The following KCNC2 variants were observed in gnomAD, a reference collection of about 807,000 sequenced individuals.
KCNC2 encodes voltage-gated potassium channel KCNC2.
KCNC2 carries 21 observed loss-of-function variants against 44.5 expected under a neutral mutation model. The ratio of observed to expected loss-of-function variants is 0.47; its 90% CI spans 0.33 to 0.68. KCNC2 has a LOEUF of 0.68. KCNC2 is among the 30% of genes least tolerant of loss of function. KCNC2 has a pLI of 0.01. For missense variants in KCNC2, 589 were observed against 826.2 expected (o/e 0.71, Z 3.52); for synonymous variants, 391 against 339.1 (o/e 1.15, Z -1.68).
intron 2 of KCNC2, among the ~76,000 whole-genome samples, chr12:75,152,335 TAAAC>T (rs951685995): frequency 1.3e-5 from 2 of 150,930 alleles, no homozygotes; most frequent in Admixed American, 6.6e-5. Context: ...ACACAAAAAA[TAAAC>T]AAAAACACGT....
At chr12:75,181,674 A>G (rs1471020903) in intron 2 of KCNC2, among the ~76,000 whole-genome samples, 1 of 152,188 alleles carries the variant, frequency 6.6e-6, no homozygotes, top group East Asian at 1.9e-4. Flanking sequence ...CCTCACAGAT[A>G]TGAACTCAAA....
At chr12:75,078,791 A>T (rs1022101014) in intron 2 of KCNC2, among the ~76,000 whole-genome samples, 2 of 152,170 alleles carry the variant, frequency 1.3e-5, no homozygotes, top group African/African-American at 2.4e-5. Flanking sequence ...TGTTGTGAAT[A>T]TACTTTTAAT....
intron 2 of KCNC2, among the ~76,000 whole-genome samples, chr12:75,197,820 C>T (rs2030905083): frequency 6.6e-6 from 1 of 151,630 alleles, no homozygotes; most frequent in Admixed American, 6.6e-5. Flanking sequence ...ATAAAGAAAC[C>T]CAGCGTTGAA....
chr12:75,159,635 C>T (rs1000143501), intron 2 of KCNC2, among the ~76,000 whole-genome samples: 1 of 151,854 alleles, frequency 6.6e-6, no homozygotes, highest in African/African-American at 2.4e-5. Context: ...CATCGCTGGA[C>T]TAGGAGGTTT....
chr12:75,208,590 T>C (rs1280923592), intron 1 of KCNC2, among the ~76,000 whole-genome samples: 6 of 125,644 alleles, frequency 4.8e-5, no homozygotes, highest in African/African-American at 1.5e-4. Context: ...CCCCACCCTG[T>C]GAAGAGCCCG....
At chr12:75,174,965 G>A (rs1236266524) in intron 2 of KCNC2, among the ~76,000 whole-genome samples, 1 of 151,960 alleles carries the variant, frequency 6.6e-6, no homozygotes, top group Admixed American at 6.6e-5. Flanking sequence ...GCTGGTGATA[G>A]CAATAATAAA....
At chr12:75,075,608 C>T (rs1290593616) in intron 2 of KCNC2, among the ~76,000 whole-genome samples, 14 of 151,522 alleles carry the variant, frequency 9.2e-5, no homozygotes, top group Non-Finnish European at 1.8e-4. Context: ...GTGGGGGTTG[C>T]GTAGAAGGCA....
In KCNC2 at chr12:75,207,767, C is replaced by G. The variant is rs766476433; in HGVS notation, c.217G>C (p.Gly73Arg). The change falls in exon 2 of 5, where the codon GGG (glycine) becomes CGG (arginine). Residue 73 changes from glycine to arginine, a missense_variant. By Grantham distance (125) the Gly-to-Arg change is moderately radical. Transcript: ENST00000549446. The surrounding 1 kb of genome is among the most constrained non-coding windows in gnomAD (Gnocchi z 4.1). ...CCGCCCTCGAAGCAGCCGCCTGGCCCGGGGGACAGCGGGGGCGCTCTCGGC... is the reference window on the plus strand; with the variant it reads ...CCGCCCTCGAAGCAGCCGCCTGGCCGGGGGGACAGCGGGGGCGCTCTCGGC... ...PPPRAPPLSP[G>R]PGGCFEGGAG... 2 of 1,572,326 alleles carry G rather than the reference C, an allele frequency of 1.3e-6. No individual in the cohort carries two copies. Among genetic ancestry groups the G allele is most frequent in the Non-Finnish European group, 1.7e-6 (2 of 1,160,334 alleles).
At chr12:75,097,708 T>C (rs1886051059) in intron 2 of KCNC2, among the ~76,000 whole-genome samples, 1 of 152,150 alleles carries the variant, frequency 6.6e-6, no homozygotes, top group South Asian at 2.1e-4. Context: ...TATACCATGA[T>C]TTTTAAGAGC....
intron 2 of KCNC2, among the ~76,000 whole-genome samples, chr12:75,137,953 C>G (rs532219746): frequency 1.3e-5 from 2 of 152,224 alleles, no homozygotes; most frequent in South Asian, 4.1e-4. Context: ...AGAGAAAAAT[C>G]TAATTCAACA....
At chr12:75,109,679 C>T (rs1172809717) in intron 2 of KCNC2, among the ~76,000 whole-genome samples, 1 of 151,980 alleles carries the variant, frequency 6.6e-6, no homozygotes, top group Non-Finnish European at 1.5e-5. Flanking sequence ...TTTTACCCTC[C>T]CCTGCTTGTC....
chr12:75,176,850 A>G (rs1026875462), intron 2 of KCNC2, among the ~76,000 whole-genome samples: 5 of 151,942 alleles, frequency 3.3e-5, no homozygotes, highest in African/African-American at 1.2e-4. Flanking sequence ...AACCTCAAAA[A>G]GAGAGCATAT....
chr12:75,141,584 C>G (rs1889655359), intron 2 of KCNC2, among the ~76,000 whole-genome samples: 2 of 150,844 alleles, frequency 1.3e-5, no homozygotes, highest in Admixed American at 1.3e-4. Context: ...TCAATGATTT[C>G]CATTTAAGCA....
intron 2 of KCNC2, among the ~76,000 whole-genome samples, chr12:75,097,223 C>A (rs1886005444): frequency 6.6e-6 from 1 of 152,066 alleles, no homozygotes; most frequent in Non-Finnish European, 1.5e-5. Flanking sequence ...GTAAAAAGAT[C>A]TGTGGTTGCT....
chr12:75,203,112 C>T (rs914551726), intron 2 of KCNC2, among the ~76,000 whole-genome samples: 1 of 151,796 alleles, frequency 6.6e-6, no homozygotes, highest in East Asian at 1.9e-4. Flanking sequence ...TCTTACAAAA[C>T]AAGACTTAAT....
chr12:75,062,786 T>C (rs566033782), intron 2 of KCNC2, among the ~76,000 whole-genome samples: 7 of 152,078 alleles, frequency 4.6e-5, no homozygotes, highest in Non-Finnish European at 8.8e-5. Flanking sequence ...AAATATTTAA[T>C]GGAGTCAGAA....
rs1215418265 is a variant in KCNC2, at chr12:75,075,496, T to A, written c.688-24179A>T. ...ATATATATATATACACATATATATA[T>A]ATAAATAACATTGCTACAGCATGTT... On this transcript the variant is annotated intron_variant, in intron 2 of 4. Transcript: ENST00000549446. 4.1e-5 allele frequency among the ~76,000 whole-genome samples: 6 copies of A among 148,148 alleles called. No individual in the cohort carries two copies. In the East Asian group the frequency reaches 9.9e-4, roughly 24 times the overall value.
rs1334728248 is a variant in KCNC2 at position 75,040,207 on chromosome 12, CA to C, written c.*2897del. The C allele has an allele frequency of 6.6e-6, 1 of 151,960 alleles. No individual in the cohort carries two copies. The highest frequency in any genetic ancestry group is 2.4e-5 in the African/African-American group (1 of 41,396). 9.4% of individuals were successfully genotyped at this position (151,960 alleles called of 1,614,324 possible). ...TTGTGCATGCGCCTTGAAATGTTCA[CA>C]AAAGGTCCACGATACAGGGATTTAT... On this transcript the variant is annotated 3_prime_UTR_variant, in exon 5 of 5. Coordinates refer to ENST00000549446, the MANE Select transcript of KCNC2 (RefSeq NM_139137.4).
At chr12:75,203,231 C>T (rs185948960) in intron 2 of KCNC2, among the ~76,000 whole-genome samples, 74 of 151,682 alleles carry the variant, frequency 4.9e-4, no homozygotes, top group African/African-American at 1.8e-3. Flanking sequence ...TTATTTAGAT[C>T]ATGTCTTTCT....
Sources: allele counts gnomAD v4.1 joint callset (sites outside exome capture counted in the v4.1 genomes callset), GRCh38; gene constraint gnomAD v4.1.1; non-coding constraint Gnocchi (gnomAD v3.1); transcripts MANE v1.5; gene names NCBI Gene and HGNC (gene_info 2026-07-23, HGNC 2026-07-21).